Variants in KYNU observed in about 807,000 individuals in gnomAD.
KYNU encodes kynureninase, also known as L-kynurenine hydrolase.
In KYNU, 54 loss-of-function variants were observed where a neutral mutation model predicts 59.2. The observed-to-expected ratio is 0.91, with a 90% CI of 0.73 to 1.14. The LOEUF (loss-of-function observed/expected upper bound fraction) is 1.14. Among genes scored for constraint, KYNU ranks in the 50% most tolerant of loss-of-function variants. The probability of loss-of-function intolerance (pLI) is 0.00; values close to 1 mark genes in which losing one functional copy is unlikely to be tolerated. For synonymous variants in KYNU, 177 were observed against 192.0 expected (o/e 0.92, Z 0.65); for missense variants, 567 against 554.4 (o/e 1.02, Z -0.23).
intron 2 of KYNU, among the ~76,000 whole-genome samples, chr2:142,890,462 G>A (rs17805075): frequency 0.23 from 34,463 of 151,954 alleles, 4,815 homozygotes; most frequent in South Asian, 0.4. Flanking sequence ...CTAACTTTGG[G>A]GATCAGTAGG....
chr2:142,883,464 C>T (rs969345569), intron 1 of KYNU, among the ~76,000 whole-genome samples: 2 of 152,086 alleles, frequency 1.3e-5, no homozygotes, highest in African/African-American at 2.4e-5. Flanking sequence ...TCCCAAAGTG[C>T]TGGGATTACA....
chr2:142,951,972 CAT>C (rs1401102143), intron 4 of KYNU, among the ~76,000 whole-genome samples: 2 of 152,204 alleles, frequency 1.3e-5, no homozygotes, highest in Non-Finnish European at 2.9e-5. Context: ...TGGAGGGGAA[CAT>C]GTGTGTAGGT....
intron 10 of KYNU, among the ~76,000 whole-genome samples, chr2:142,986,976 T>C (rs1319338830): frequency 6.6e-6 from 1 of 151,796 alleles, no homozygotes; most frequent in Non-Finnish European, 1.5e-5. Flanking sequence ...TGTGTCTAAA[T>C]TTTTTTCAAG....
chr2:143,004,370 T>C (rs1174900765), intron 10 of KYNU, among the ~76,000 whole-genome samples: 1 of 152,118 alleles, frequency 6.6e-6, no homozygotes, highest in Non-Finnish European at 1.5e-5. Context: ...CCTTGTCAGC[T>C]CTCAACATGG....
chr2:142,888,582 T>A (rs1482096455), intron 2 of KYNU, among the ~76,000 whole-genome samples: 1 of 152,088 alleles, frequency 6.6e-6, no homozygotes, highest in African/African-American at 2.4e-5. Context: ...TCACTAGAGA[T>A]CTTATTAAAA....
chr2:143,026,755 C>T (rs1686583282), intron 10 of KYNU, among the ~76,000 whole-genome samples: 1 of 65,368 alleles, frequency 1.5e-5, no homozygotes, highest in South Asian at 5.2e-4. Context: ...AGTCCGCAGT[C>T]CGCAGTCCGC....
chr2:142,879,224 C>T (rs1289377654), intron 1 of KYNU, among the ~76,000 whole-genome samples: 1 of 152,124 alleles, frequency 6.6e-6, no homozygotes, highest in Non-Finnish European at 1.5e-5. Flanking sequence ...AGTGAGTGCA[C>T]TATGCTATTC....
At chr2:142,966,197 A>G (rs958042305) in intron 8 of KYNU, among the ~76,000 whole-genome samples, 2 of 152,192 alleles carry the variant, frequency 1.3e-5, no homozygotes, top group African/African-American at 4.8e-5. Context: ...GTTAGGTAGA[A>G]TAGTTATTGG....
At chr2:142,974,932 T>C (rs903718207) in intron 8 of KYNU, among the ~76,000 whole-genome samples, 1 of 152,134 alleles carries the variant, frequency 6.6e-6, no homozygotes, top group Non-Finnish European at 1.5e-5. Flanking sequence ...GTAGCAATAG[T>C]TATAAGCTAC....
intron 2 of KYNU, among the ~76,000 whole-genome samples, chr2:142,886,107 T>C (rs552080393): frequency 7.2e-5 from 11 of 152,320 alleles, no homozygotes; most frequent in African/African-American, 2.6e-4. Flanking sequence ...TGTTCTGGGT[T>C]TGAGGAAGTC....
In KYNU at chr2:143,042,378, TG is replaced by T; in HGVS notation, c.*211del. On this transcript the variant is annotated 3_prime_UTR_variant, in exon 14 of 14. Coordinates refer to ENST00000264170, the MANE Select transcript of KYNU (RefSeq NM_003937.3). ...CAGGGCTGCCTAGGTGCTTTGTGTTTGGGGGACCAAAACTGTGTTGGTTCAA... is the reference window on the plus strand; with the variant it reads ...CAGGGCTGCCTAGGTGCTTTGTGTTTGGGGACCAAAACTGTGTTGGTTCAA... 2.0e-6 allele frequency: 1 copy of T among 508,646 alleles called. No homozygotes were observed. The highest frequency in any genetic ancestry group is 3.5e-6 in the Non-Finnish European group (1 of 286,050). The allele number at this position is 508,646 out of a possible 1,614,324, so 31.5% of individuals were successfully genotyped here. A position where few individuals can be genotyped will look rare whatever the true frequency, so the allele number is the denominator to read the frequency against.
At chr2:142,900,194 T>C (rs190289319) in intron 2 of KYNU, among the ~76,000 whole-genome samples, 1 of 152,240 alleles carries the variant, frequency 6.6e-6, no homozygotes, top group African/African-American at 2.4e-5. Flanking sequence ...TTTAGCCTGA[T>C]CAGGAGTGGC....
At chr2:142,889,273 A>T (rs554713472) in intron 2 of KYNU, among the ~76,000 whole-genome samples, 1 of 152,338 alleles carries the variant, frequency 6.6e-6, no homozygotes, top group East Asian at 1.9e-4. Context: ...TAGAATTGGA[A>T]TGAAATATGA....
chr2:142,981,154 G>T (rs552026375), intron 8 of KYNU, among the ~76,000 whole-genome samples: 12 of 152,190 alleles, frequency 7.9e-5, no homozygotes, highest in East Asian at 1.9e-4. Context: ...TTTCAACGTG[G>T]TACCACAAAT....
chr2:142,931,529 C>T (rs1384763807), intron 4 of KYNU, among the ~76,000 whole-genome samples: 2 of 152,012 alleles, frequency 1.3e-5, no homozygotes, highest in East Asian at 1.9e-4. Context: ...AAGACTGTGT[C>T]TGGATTAAGG....
At chr2:142,917,475 A>G (rs1682703575) in intron 2 of KYNU, among the ~76,000 whole-genome samples, 1 of 152,162 alleles carries the variant, frequency 6.6e-6, no homozygotes, top group Non-Finnish European at 1.5e-5. Context: ...TAAAAAAAAA[A>G]AAATTAAATA....
intron 8 of KYNU, among the ~76,000 whole-genome samples, chr2:142,975,491 A>G (rs952281036): frequency 1.3e-5 from 2 of 152,156 alleles, no homozygotes; most frequent in African/African-American, 2.4e-5. Context: ...CTGACTCCAC[A>G]CTGAGCTTGT....
At chr2:142,954,022 G>T (rs891147268) in intron 4 of KYNU, 2 of 152,000 alleles carry the variant, frequency 1.3e-5, no homozygotes, top group Admixed American at 1.3e-4. Flanking sequence ...TATTACACAG[G>T]TCTAATTGCC....
intron 2 of KYNU, among the ~76,000 whole-genome samples, chr2:142,905,461 A>C (rs1682259913): frequency 6.6e-6 from 1 of 152,144 alleles, no homozygotes; most frequent in South Asian, 2.1e-4. Context: ...TCCCGAAGGG[A>C]GTTCCTCCTA....
Sources: allele counts gnomAD v4.1 joint callset (sites outside exome capture counted in the v4.1 genomes callset), GRCh38; gene constraint gnomAD v4.1.1; transcripts MANE v1.5; gene names NCBI Gene and HGNC (gene_info 2026-07-23, HGNC 2026-07-21).